Variants in SMARCA2 observed in about 807,000 individuals in gnomAD.
SMARCA2 encodes SWI/SNF-related matrix-associated actin-dependent regulator of chromatin subfamily A member 2.
SMARCA2 carries 61 observed loss-of-function variants against 199.8 expected under a neutral mutation model. The ratio of observed to expected loss-of-function variants is 0.31; its 90% CI spans 0.25 to 0.38. The LOEUF is 0.38. Ranked by LOEUF, SMARCA2 falls within the 10% of genes least tolerant of loss-of-function variation. SMARCA2 has a pLI of 1.00. For missense variants in SMARCA2, 1,344 were observed against 2,012.2 expected, an observed-to-expected ratio of 0.67 and a Z score of 6.35; for synonymous variants, 935 against 732.0, an observed-to-expected ratio of 1.28 and a Z score of -4.48.
intron 5 of SMARCA2, among the ~76,000 whole-genome samples, chr9:2,050,966 G>A (rs904649701): frequency 1.8e-4 from 27 of 152,106 alleles, no homozygotes; most frequent in African/African-American, 6.3e-4. Context: ...TTCTGTACTC[G>A]TGAGGACGCT....
intron 4 of SMARCA2, chr9:2,041,294 C>A (rs746331122): frequency 3.3e-5 from 13 of 398,426 alleles, no homozygotes. Context: ...AGGTCATTGA[C>A]TGGGTGGCTT....
chr9:2,169,701 A>C lies in SMARCA2; in HGVS notation c.4200-718A>C, dbSNP rs892238185. 4.6e-5 allele frequency among the ~76,000 whole-genome samples: 7 copies of C among 152,134 alleles called. No homozygotes were observed. The highest frequency in any genetic ancestry group is 1.0e-4 in the Non-Finnish European group (7 of 68,022). On this transcript the variant is annotated intron_variant, in intron 28 of 33. Coordinates refer to ENST00000349721, the MANE Select transcript of SMARCA2 (RefSeq NM_003070.5). The surrounding 1 kb of genome is among the most constrained non-coding windows in gnomAD (Gnocchi z 6.5). ...TCTAGAGGGTATGGAGGGTCTTCCC[A>C]GGATCTGTGAAACCTGGCAGCTGCT...
chr9:2,085,341 G>A (rs1327658973), intron 17 of SMARCA2, among the ~76,000 whole-genome samples: 1 of 152,132 alleles, frequency 6.6e-6, no homozygotes, highest in East Asian at 1.9e-4. Flanking sequence ...GGAGACGCCT[G>A]GTAATGAGAT....
intron 24 of SMARCA2, among the ~76,000 whole-genome samples, chr9:2,114,506 T>C (rs888514417): frequency 5.3e-5 from 8 of 152,142 alleles, no homozygotes; most frequent in African/African-American, 1.9e-4. Context: ...GTGCCAGGGA[T>C]GTGGGATACA....
intron 27 of SMARCA2, 100 bp downstream of exon 27, chr9:2,124,037 T>C (rs1823581475): frequency 3.3e-6 from 3 of 913,360 alleles, no homozygotes; most frequent in African/African-American, 3.3e-5. Context: ...GGAGGTTGAG[T>C]TCGCAATCAA....
chr9:2,123,871 G>C lies in SMARCA2; in HGVS notation c.3915G>C (p.Gly1305=). 6.2e-7 allele frequency: 1 copy of C among 1,605,294 alleles called. No individual in the cohort carries two copies. Among genetic ancestry groups the C allele is most frequent in the Non-Finnish European group, 8.5e-7 (1 of 1,176,180 alleles). ...AAGAAGAGGAGGAGAAAATATTTGG[G>C]AGGGGGTCCCGCCAGCGCCGTGACG... The part of the protein sequence containing the change: ...TCEEEEEKIF[G]RGSRQRRDVD... The change falls in exon 27 of 34, where the codon GGG becomes GGC. Residue 1305 remains glycine, a synonymous_variant. Transcript: ENST00000349721. This position sits in a 1 kb window ranked among gnomAD's most constrained non-coding sequence, Gnocchi z 4.1.
intron 5 of SMARCA2, among the ~76,000 whole-genome samples, 171 bp from the exon 6 acceptor site, chr9:2,054,426 C>A (rs1044063078): frequency 6.6e-6 from 1 of 152,206 alleles, no homozygotes; most frequent in Non-Finnish European, 1.5e-5. Flanking sequence ...GCAAAGGTAG[C>A]TTTTCTCTGC....
At chr9:2,026,437 A>C (rs1181803107) in intron 1 of SMARCA2, among the ~76,000 whole-genome samples, 3 of 152,208 alleles carry the variant, frequency 2.0e-5, no homozygotes, top group Non-Finnish European at 2.9e-5. Flanking sequence ...AGCAAAAAAA[A>C]CGAGGAGCAT....
chr9:2,115,956 A>G lies in SMARCA2; in HGVS notation c.3591A>G (p.Lys1197=), dbSNP rs1161818219. The change falls in exon 25 of 34, where the codon AAA becomes AAG. Residue 1197 remains lysine, a synonymous_variant. Coordinates refer to ENST00000349721, the MANE Select transcript of SMARCA2 (RefSeq NM_003070.5). The surrounding 1 kb of genome is among the most constrained non-coding windows in gnomAD (Gnocchi z 6.0). The stretch of plus-strand genomic sequence containing the variant: ...AATACAAGCTGAACGTGGATCAGAA[A>G]GTGATCCAGGCGGGCATGTTTGACC... ...AAKYKLNVDQ[K]VIQAGMFDQK... is the part of the protein sequence containing the mutation. 1.9e-6 allele frequency: 3 copies of G among 1,614,130 alleles called. No homozygotes were observed. Among genetic ancestry groups the G allele is most frequent in the African/African-American group, 2.7e-5 (2 of 75,036 alleles).
intron 27 of SMARCA2, among the ~76,000 whole-genome samples, chr9:2,150,887 T>G (rs1825029664): frequency 6.6e-6 from 1 of 151,566 alleles, no homozygotes; most frequent in South Asian, 2.1e-4. Flanking sequence ...TATGTGCATC[T>G]GTGTCTTAGC....
chr9:2,138,498 C>G (rs1030545215), intron 27 of SMARCA2, among the ~76,000 whole-genome samples: 5 of 152,146 alleles, frequency 3.3e-5, no homozygotes, highest in African/African-American at 1.2e-4. Context: ...TCCCTTGGAC[C>G]TTTGTAGAAC....
chr9:2,018,068 C>T (rs976473258), intron 1 of SMARCA2: 3 of 152,256 alleles, frequency 2.0e-5, no homozygotes, highest in Non-Finnish European at 2.9e-5. Context: ...GGCTGTTGCA[C>T]ATTCAAACTT....
rs192958511 is a variant in SMARCA2, at chr9:2,149,190, G to A, written c.3982-12496G>A. On this transcript the variant is annotated intron_variant, in intron 27 of 33. Coordinates refer to ENST00000349721, the MANE Select transcript of SMARCA2 (RefSeq NM_003070.5). ...AGGAGGCAAAAGGCACTTCTTACAT[G>A]GTGGCGGCAAGAGAAAATGAGAGAG... is the stretch of plus-strand genomic sequence containing the variant. 9.3e-3 allele frequency among the ~76,000 whole-genome samples: 1,410 copies of A among 151,268 alleles called. 61 individuals are homozygous for A. The highest frequency in any genetic ancestry group is 0.017 in the Non-Finnish European group (1,133 of 67,562).
intron 3 of SMARCA2, among the ~76,000 whole-genome samples, chr9:2,038,492 A>T (rs963458732): frequency 6.6e-6 from 1 of 152,184 alleles, no homozygotes; most frequent in African/African-American, 2.4e-5. Flanking sequence ...TCTTTAGGGC[A>T]TTAGTCATAA....
intron 6 of SMARCA2, chr9:2,055,437 C>G (rs1281478189): frequency 2.0e-5 from 3 of 152,178 alleles, no homozygotes; most frequent in African/African-American, 7.2e-5. Flanking sequence ...TTTGCTAGTC[C>G]GCAGATTGCC....
chr9:2,035,008 CTTTA>C (rs3057853), intron 3 of SMARCA2, among the ~76,000 whole-genome samples: 28,947 of 142,932 alleles, frequency 0.2, 3,074 homozygotes, highest in Admixed American at 0.26. Context: ...TAATATAAGC[CTTTA>C]TTTATTTATT....
chr9:2,039,506 G>C lies in SMARCA2; in HGVS notation c.396G>C (p.Glu132Asp). 2 of 1,614,030 alleles carry C rather than the reference G, an allele frequency of 1.2e-6. No homozygotes were observed. The highest frequency in any genetic ancestry group is 1.7e-6 in the Non-Finnish European group (2 of 1,179,992). Residue 132 changes from glutamate to aspartate, a missense_variant, in exon 4 of 34, where the codon GAG becomes GAC. Glu to Asp is a conservative substitution (Grantham distance 45). Around this residue, in one of 18 missense-constraint regions of SMARCA2, gnomAD observed 275 missense variants for 247.5 expected, o/e 1.11. Coordinates refer to ENST00000349721, the MANE Select transcript of SMARCA2 (RefSeq NM_003070.5). This position sits in a 1 kb window ranked among gnomAD's most constrained non-coding sequence, Gnocchi z 4.8. ...ACCCATCTCCATTAGGAGCCCCAGA[G>C]CACGTCTCCAGCCCTATGTCTGGAG... Reference protein sequence around the residue: ...SPHPSPLGAPEHVSSPMSGGG... With the variant: ...SPHPSPLGAPDHVSSPMSGGG...
chr9:2,106,148 G>T (rs1014768996), intron 23 of SMARCA2, among the ~76,000 whole-genome samples: 1 of 152,154 alleles, frequency 6.6e-6, no homozygotes, highest in Non-Finnish European at 1.5e-5. Flanking sequence ...CAACCAGTGT[G>T]CCATTATGAT....
chr9:2,181,539 G>A (rs770104578), intron 29 of SMARCA2, 32 bp from the exon 30 acceptor site: 1 of 1,022,076 alleles, frequency 9.8e-7, no homozygotes, highest in East Asian at 2.4e-5. Context: ...GTTTGATGTG[G>A]CTTGTTTTTG....
Sources: allele counts gnomAD v4.1 joint callset (sites outside exome capture counted in the v4.1 genomes callset), GRCh38; gene constraint gnomAD v4.1.1; regional missense constraint gnomAD v4.1.1; non-coding constraint Gnocchi (gnomAD v3.1); transcripts MANE v1.5; gene names NCBI Gene and HGNC (gene_info 2026-07-23, HGNC 2026-07-21).